Variants in CPLANE1 observed in about 807,000 individuals in gnomAD.
CPLANE1 encodes the protein ciliogenesis and planar polarity effector complex subunit 1.
A neutral mutation model predicts 362.5 loss-of-function variants in CPLANE1; 263 were observed. The ratio of observed to expected loss-of-function variants is 0.73; its 90% CI spans 0.66 to 0.80. CPLANE1 has a LOEUF of 0.80. CPLANE1 is among the 30% of genes least tolerant of loss of function. The probability of loss-of-function intolerance (pLI) is 0.00; values close to 1 mark genes in which losing one functional copy is unlikely to be tolerated. For synonymous variants in CPLANE1, 1,212 were observed against 1,302.6 expected, an observed-to-expected ratio of 0.93 and a Z score of 1.50; for missense variants, 3,461 against 3,793.4, an observed-to-expected ratio of 0.91 and a Z score of 2.30.
Position 37,148,218 on chromosome 5 carries a change from T to G in CPLANE1, c.8424A>C (p.Lys2808Asn). ...IEFSSGPEFK[K>N]TLASKTISIS... Reference sequence around the variant, plus strand: ...TGCTAATGGTTTTTGAAGCTAATGTTTTTTTGAATTCAGGGCCAGAAGAGA... The same window carrying G: ...TGCTAATGGTTTTTGAAGCTAATGTGTTTTTGAATTCAGGGCCAGAAGAGA... Residue 2808 changes from lysine (K) to asparagine (N), a missense_variant, in exon 43 of 53, where the codon AAA (lysine) becomes AAC (asparagine). Lys to Asn is a moderately conservative substitution (Grantham distance 94, BLOSUM62 0). Transcript: ENST00000651892. 6.2e-7 allele frequency: 1 copy of G among 1,613,016 alleles called. No individual in the cohort carries two copies. The highest frequency in any genetic ancestry group is 8.5e-7 in the Non-Finnish European group (1 of 1,179,394).
At chr5:37,168,738 G>T (rs1778972052) in intron 34 of CPLANE1, 53 bp downstream of exon 34, 6 of 1,460,410 alleles carry the variant, frequency 4.1e-6, no homozygotes, top group African/African-American at 1.4e-5. Context: ...CTTATGGTAT[G>T]AAAAAAATAG....
At chr5:37,229,590 C>T (rs1797260174) in intron 9 of CPLANE1, among the ~76,000 whole-genome samples, 2 of 151,970 alleles carry the variant, frequency 1.3e-5, no homozygotes, top group Admixed American at 6.6e-5. Context: ...AACACCCTAC[C>T]TCAGTTTCCT....
chr5:37,131,260 A>G (rs1327409120), intron 46 of CPLANE1, among the ~76,000 whole-genome samples: 1 of 152,102 alleles, frequency 6.6e-6, no homozygotes, highest in Non-Finnish European at 1.5e-5. Context: ...AAAAGAAAAA[A>G]AGCGCTTTCT....
the CPLANE1 span, among the ~76,000 whole-genome samples, chr5:37,077,493 T>C: frequency 6.6e-6 from 1 of 152,222 alleles, no homozygotes; most frequent in Non-Finnish European, 1.5e-5. Flanking sequence ...TTGTTTGCAT[T>C]GATTTATATA....
At chr5:37,102,163 T>G (rs1404710882), downstream of CPLANE1, among the ~76,000 whole-genome samples, 1 of 151,984 alleles carries the variant, frequency 6.6e-6, no homozygotes, top group African/African-American at 2.4e-5. Context: ...GTTCTCTAGT[T>G]TTTTGCTGTT....
chr5:37,111,833 A>T (rs1043220559), intron 51 of CPLANE1, among the ~76,000 whole-genome samples: 1 of 152,188 alleles, frequency 6.6e-6, no homozygotes, highest in South Asian at 2.1e-4. Flanking sequence ...TTGAAAAACC[A>T]TATAAAGGAA....
At chr5:37,221,225 AGAAGG>A in intron 15 of CPLANE1, 94 bp downstream of exon 15, 2 of 683,688 alleles carry the variant, frequency 2.9e-6, no homozygotes, top group South Asian at 4.8e-5. Context: ...CGGCTGAGGT[AGAAGG>A]ATTACTTGAG....
At chr5:37,185,351 A>G (rs1783702848) in intron 24 of CPLANE1, among the ~76,000 whole-genome samples, 1 of 152,256 alleles carries the variant, frequency 6.6e-6, no homozygotes, top group South Asian at 2.1e-4. Flanking sequence ...GAAAAAAAAA[A>G]CTTTAAGTGA....
At chr5:37,144,877 T>G (rs1771052602) in intron 43 of CPLANE1, among the ~76,000 whole-genome samples, 1 of 151,726 alleles carries the variant, frequency 6.6e-6, no homozygotes, top group Non-Finnish European at 1.5e-5. Context: ...AATTAGAAAT[T>G]TTAAAATGAA....
intron 36 of CPLANE1, 96 bp downstream of exon 36, chr5:37,165,443 A>G: frequency 2.5e-6 from 3 of 1,195,848 alleles, no homozygotes; most frequent in Non-Finnish European, 3.6e-6. Flanking sequence ...AGTCACAGTC[A>G]GAAGCTCCCA....
At chr5:37,235,281 G>A (rs373659565) in intron 8 of CPLANE1, among the ~76,000 whole-genome samples, 12 of 151,888 alleles carry the variant, frequency 7.9e-5, no homozygotes, top group African/African-American at 2.7e-4. Flanking sequence ...AACCAAGAAG[G>A]TAAAAGATCT....
At chr5:37,196,950 G>A (rs990277937) in intron 20 of CPLANE1, among the ~76,000 whole-genome samples, 13 of 151,116 alleles carry the variant, frequency 8.6e-5, no homozygotes, top group Admixed American at 6.6e-4. Context: ...AAAAAAAAAA[G>A]AAAATTTGAA....
Position 37,168,894 on chromosome 5 carries a change from CTT to C in CPLANE1, c.7128_7129del (p.Arg2377SerfsTer34). The C allele has an allele frequency of 6.2e-7, 1 of 1,614,114 alleles. No individual in the cohort carries two copies. Among genetic ancestry groups the C allele is most frequent in the Non-Finnish European group, 8.5e-7 (1 of 1,180,016 alleles). ...TGTTGAGGGAACTGTAATAGATGCT[CTT>C]GAGGTTGATGGAAACATATTAGGAG... On this transcript the variant is annotated frameshift_variant, in exon 34 of 53. Coordinates refer to ENST00000651892, the MANE Select transcript of CPLANE1 (RefSeq NM_001384732.1). LOFTEE classifies it high-confidence loss of function.
intron 32 of CPLANE1, among the ~76,000 whole-genome samples, chr5:37,173,050 T>C (rs949202013): frequency 1.3e-5 from 2 of 151,950 alleles, no homozygotes; most frequent in African/African-American, 4.8e-5. Context: ...AATATGGAAA[T>C]GGTATATATT....
chr5:37,239,652 C>A, intron 7 of CPLANE1, 61 bp downstream of exon 7: 5 of 1,016,640 alleles, frequency 4.9e-6, no homozygotes, highest in Non-Finnish European at 5.1e-6. Flanking sequence ...AAAGAAAAAT[C>A]TCAAAACTGG....
chr5:37,115,139 G>T, intron 50 of CPLANE1, 90 bp from the exon 51 acceptor site: 1 of 853,548 alleles, frequency 1.2e-6, no homozygotes, highest in Non-Finnish European at 1.9e-6. Context: ...ACACCTTGGT[G>T]ATCAGCTTTG....
At chr5:37,214,492 C>T (rs1266501041) in intron 15 of CPLANE1, among the ~76,000 whole-genome samples, 1 of 152,078 alleles carries the variant, frequency 6.6e-6, no homozygotes, top group Non-Finnish European at 1.5e-5. Context: ...AAAAAATTAT[C>T]AAAATTTACA....
At chr5:37,155,727 A>G (rs1774903439) in intron 41 of CPLANE1, among the ~76,000 whole-genome samples, 1 of 152,224 alleles carries the variant, frequency 6.6e-6, no homozygotes, top group South Asian at 2.1e-4. Context: ...TGCAAAATCT[A>G]TTCTCTCTGT....
chr5:37,098,914 T>C, the CPLANE1 span, among the ~76,000 whole-genome samples: 1 of 102,134 alleles, frequency 9.8e-6, no homozygotes, highest in South Asian at 2.7e-4. Context: ...TAGCAGTAAA[T>C]GCCTACATCA....
Sources: gnomAD v4.1 joint callset for allele counts (sites outside exome capture counted in the v4.1 genomes callset) on GRCh38, gnomAD v4.1.1 for gene constraint, MANE v1.5 for transcripts, NCBI Gene and HGNC (gene_info 2026-07-23, HGNC 2026-07-21) for gene names.